The following SLC35F4 variants were observed in gnomAD, a reference collection of about 807,000 sequenced individuals.
The protein encoded by SLC35F4 is chromosome 14 open reading frame 36.
A neutral mutation model predicts 44.2 loss-of-function variants in SLC35F4; 24 were observed. The observed-to-expected ratio is 0.54, with a 90% confidence interval of 0.39 to 0.76. SLC35F4 has a LOEUF of 0.76. SLC35F4 is among the 30% of genes least tolerant of loss of function. SLC35F4 has a pLI of 0.00. For missense variants in SLC35F4, 562 were observed against 586.1 expected (o/e 0.96, Z 0.42); for synonymous variants, 238 against 223.6 (o/e 1.06, Z -0.57).
chr14:57,958,988 A>C (rs1472004186), intron 1 of SLC35F4, among the ~76,000 whole-genome samples: 1 of 152,174 alleles, frequency 6.6e-6, no homozygotes, highest in Admixed American at 6.5e-5. Flanking sequence ...ACAAAGCCAG[A>C]GGTGCAGCCA....
chr14:57,628,330 GGGTACA>G (rs2072578498), intron 1 of SLC35F4, among the ~76,000 whole-genome samples: 1 of 141,364 alleles, frequency 7.1e-6, no homozygotes, highest in Non-Finnish European at 1.5e-5. Flanking sequence ...TTAAGTTCTG[GGGTACA>G]TGTGCAAAAC....
intron 1 of SLC35F4, among the ~76,000 whole-genome samples, chr14:57,958,142 C>T (rs1890274746): frequency 6.6e-6 from 1 of 152,094 alleles, no homozygotes; most frequent in Admixed American, 6.5e-5. Context: ...ACCGCAAGCT[C>T]TGCCTCCCAG....
chr14:57,919,658 G>T (rs1185971585), intron 1 of SLC35F4, among the ~76,000 whole-genome samples: 1 of 152,122 alleles, frequency 6.6e-6, no homozygotes, highest in Non-Finnish European at 1.5e-5. Flanking sequence ...TGGGGGTGGG[G>T]GAGCGTGGAC....
intron 1 of SLC35F4, among the ~76,000 whole-genome samples, chr14:57,638,861 G>A (rs1348861824): frequency 6.6e-6 from 1 of 152,054 alleles, no homozygotes; most frequent in East Asian, 1.9e-4. Context: ...CCCCTATCAA[G>A]AGGTCCTCTT....
intron 1 of SLC35F4, among the ~76,000 whole-genome samples, chr14:57,697,491 A>T (rs556811225): frequency 1.3e-5 from 2 of 152,224 alleles, no homozygotes; most frequent in South Asian, 4.1e-4. Flanking sequence ...CTTTGAGCTC[A>T]GGAGTTCGAG....
At position 57,865,805 on chromosome 14, in the gene SLC35F4, G is replaced by C; in HGVS notation, c.21C>G (p.Pro7=). Residue 7 remains proline (P), a synonymous_variant, in exon 1 of 8, where the codon CCC becomes CCG. Transcript: ENST00000556826. MDVKAA[P]NGVATIEDRI... ...GGTCCTCGATAGTGGCCACCCCGTT[G>C]GGGGCCGCCTTGACATCCATAGAGA... is the stretch of plus-strand genomic sequence containing the variant. The C allele has an allele frequency of 6.6e-7, 1 of 1,519,720 alleles. No homozygotes were observed. Among genetic ancestry groups the C allele is most frequent in the Middle Eastern group, 1.7e-4 (1 of 5,938 alleles). The allele number at this position is 1,519,720 out of a possible 1,614,324, so 94.1% of individuals were successfully genotyped here. A position where few individuals can be genotyped will look rare whatever the true frequency, so the allele number is the denominator to read the frequency against.
intron 1 of SLC35F4, among the ~76,000 whole-genome samples, chr14:57,831,567 T>A (rs1884376271): frequency 6.6e-6 from 1 of 152,150 alleles, no homozygotes; most frequent in African/African-American, 2.4e-5. Flanking sequence ...ACAGCAGCAA[T>A]CTATGTTTCA....
At chr14:57,638,067 A>G (rs909129244) in intron 1 of SLC35F4, among the ~76,000 whole-genome samples, 1 of 152,174 alleles carries the variant, frequency 6.6e-6, no homozygotes, top group Non-Finnish European at 1.5e-5. Context: ...AGAATAAACT[A>G]TGTCCTAACC....
At chr14:57,858,989 G>C (rs1048284519) in intron 1 of SLC35F4, among the ~76,000 whole-genome samples, 11 of 151,402 alleles carry the variant, frequency 7.3e-5, no homozygotes, top group Non-Finnish European at 1.5e-5. Flanking sequence ...CGCACCTGTA[G>C]TCCTACTCAG....
intron 1 of SLC35F4, among the ~76,000 whole-genome samples, chr14:57,713,917 C>G (rs2075872781): frequency 6.6e-6 from 1 of 152,182 alleles, no homozygotes; most frequent in Non-Finnish European, 1.5e-5. Context: ...CCCCCACCCC[C>G]CATGGGTCAG....
intron 1 of SLC35F4, among the ~76,000 whole-genome samples, chr14:57,849,882 A>G (rs1047610534): frequency 6.6e-6 from 1 of 152,194 alleles, no homozygotes; most frequent in Middle Eastern, 3.2e-3. Flanking sequence ...CAAGCAAAAG[A>G]ATACACACAC....
intron 1 of SLC35F4, among the ~76,000 whole-genome samples, chr14:57,743,629 C>A (rs1220374696): frequency 2.0e-5 from 3 of 152,094 alleles, no homozygotes; most frequent in African/African-American, 4.8e-5. Flanking sequence ...GATTCACAGC[C>A]GAATTCTACC....
At chr14:57,773,834 T>C (rs922351192) in intron 1 of SLC35F4, among the ~76,000 whole-genome samples, 4 of 152,178 alleles carry the variant, frequency 2.6e-5, no homozygotes, top group Non-Finnish European at 5.9e-5. Context: ...GTACTAACTC[T>C]AGGCCCTGAG....
chr14:57,727,868 T>G (rs1256004424), intron 1 of SLC35F4, among the ~76,000 whole-genome samples: 1 of 152,230 alleles, frequency 6.6e-6, no homozygotes, highest in Non-Finnish European at 1.5e-5. Context: ...AGCCATTGGA[T>G]GAAATGTTCT....
intron 1 of SLC35F4, among the ~76,000 whole-genome samples, chr14:57,875,126 G>T (rs1361561825): frequency 1.3e-5 from 2 of 152,212 alleles, no homozygotes; most frequent in Admixed American, 1.3e-4. Flanking sequence ...AATCTTTTGT[G>T]AATTATAATT....
At chr14:57,733,140 C>T (rs1233543476) in intron 1 of SLC35F4, among the ~76,000 whole-genome samples, 2 of 152,124 alleles carry the variant, frequency 1.3e-5, no homozygotes, top group Non-Finnish European at 2.9e-5. Flanking sequence ...AGCTTGGGCA[C>T]TGGTCCAACT....
rs185398917 is a variant in SLC35F4, at chr14:57,902,290, G to A, written n.282+79623C>T. ...ACTTGAAATTCTACTCTGGCTGGGC[G>A]CGGTGGCTCACGCCTGTAATCCCAG... On this transcript the variant is annotated intron_variant and non_coding_transcript_variant, in intron 1 of 1. Coordinates refer to the SLC35F4 transcript ENST00000556568. 6.0e-3 allele frequency among the ~76,000 whole-genome samples: 911 copies of A among 152,210 alleles called. 2 individuals carry two copies. The highest frequency in any genetic ancestry group is 0.017 in the African/African-American group (709 of 41,548).
chr14:57,933,303 G>A (rs958000130), intron 1 of SLC35F4, among the ~76,000 whole-genome samples: 6 of 152,020 alleles, frequency 3.9e-5, no homozygotes, highest in South Asian at 4.2e-4. Flanking sequence ...GATTACAGGC[G>A]TGAGCCACCA....
chr14:57,650,224 C>T (rs2073729369), intron 1 of SLC35F4, among the ~76,000 whole-genome samples: 1 of 152,082 alleles, frequency 6.6e-6, no homozygotes, highest in Non-Finnish European at 1.5e-5. Flanking sequence ...GCTGATCATT[C>T]CAAGTTGTCT....
Sources: allele counts gnomAD v4.1 joint callset (sites outside exome capture counted in the v4.1 genomes callset), GRCh38; gene constraint gnomAD v4.1.1; transcripts MANE v1.5; gene names NCBI Gene and HGNC (gene_info 2026-07-23, HGNC 2026-07-21).